DCC: variants seen among roughly 807,000 people sequenced by gnomAD.
DCC encodes DCC netrin 1 receptor.
Under a neutral mutation model 172.5 loss-of-function variants are expected in DCC, and 58 were observed. That is an observed-to-expected ratio of 0.34 (90% CI 0.27 to 0.42). The LOEUF (loss-of-function observed/expected upper bound fraction) is 0.42. Ranked by LOEUF, DCC falls within the 10% of genes least tolerant of loss-of-function variation. The pLI is 1.00. For synonymous variants in DCC, 709 were observed against 644.5 expected, an observed-to-expected ratio of 1.10 and a Z score of -1.52; for missense variants, 1,740 against 1,791.0, an observed-to-expected ratio of 0.97 and a Z score of 0.51.
chr18:53,349,987 A>G (rs1018089884), intron 15 of DCC, among the ~76,000 whole-genome samples: 1 of 152,206 alleles, frequency 6.6e-6, no homozygotes, highest in Non-Finnish European at 1.5e-5. Context: ...CAGTTAAATA[A>G]TCATTTTATA....
chr18:52,530,519 C>T (rs1219686268), intron 1 of DCC, among the ~76,000 whole-genome samples: 5 of 152,102 alleles, frequency 3.3e-5, no homozygotes, highest in Non-Finnish European at 7.4e-5. Context: ...ATAAAGAAAA[C>T]AGAGAATGCA....
chr18:53,336,767 T>A (rs2057596357), intron 14 of DCC, among the ~76,000 whole-genome samples: 1 of 152,188 alleles, frequency 6.6e-6, no homozygotes, highest in Non-Finnish European at 1.5e-5. Flanking sequence ...TCCCAGCTAC[T>A]AGGGAGGTTG....
rs542525309 is a variant in DCC at position 52,951,649 on chromosome 18, A to G, written c.985+26279A>G. 6.6e-5 allele frequency among the ~76,000 whole-genome samples: 10 copies of G among 152,312 alleles called. No individual in the cohort carries two copies. In the South Asian group the frequency reaches 2.1e-3, roughly 32 times the overall value. On this transcript the variant is annotated intron_variant, in intron 5 of 28. Coordinates refer to ENST00000442544, the MANE Select transcript of DCC (RefSeq NM_005215.4). ...TATGGCTGCATACAAGTCTTTTCAAAATAAATTTATATTTGGAAAGCAGTA... is the reference window on the plus strand; with the variant it reads ...TATGGCTGCATACAAGTCTTTTCAAGATAAATTTATATTTGGAAAGCAGTA...
At chr18:52,598,519 A>G (rs905727377) in intron 1 of DCC, among the ~76,000 whole-genome samples, 7 of 152,188 alleles carry the variant, frequency 4.6e-5, no homozygotes, top group South Asian at 4.1e-4. Context: ...CAGCAAAGCT[A>G]TAACTATGGA....
At chr18:52,846,550 A>T (rs1274681969) in intron 2 of DCC, among the ~76,000 whole-genome samples, 1 of 150,412 alleles carries the variant, frequency 6.6e-6, no homozygotes, top group Non-Finnish European at 1.5e-5. Flanking sequence ...AAGAGAAAAA[A>T]AAAATTCAGA....
chr18:53,145,192 G>A (rs1333217321), intron 7 of DCC, among the ~76,000 whole-genome samples: 1 of 130,832 alleles, frequency 7.6e-6, no homozygotes, highest in African/African-American at 2.8e-5. Flanking sequence ...TCGGCTCACT[G>A]CAAGCTCCGC....
intron 1 of DCC, 69 bp from the exon 2 acceptor site, chr18:52,751,985 A>C: frequency 7.5e-7 from 1 of 1,331,572 alleles, no homozygotes; most frequent in Non-Finnish European, 1.1e-6. Flanking sequence ...TGTAAAGAAA[A>C]GACAGGGAAT....
At chr18:52,446,290 C>T (rs1460613175) in intron 1 of DCC, among the ~76,000 whole-genome samples, 11 of 152,086 alleles carry the variant, frequency 7.2e-5, no homozygotes, top group East Asian at 3.9e-4. Context: ...ATTTTAACCT[C>T]GATTAATAAG....
At chr18:52,963,750 T>C (rs1319548965) in intron 5 of DCC, among the ~76,000 whole-genome samples, 3 of 152,156 alleles carry the variant, frequency 2.0e-5, no homozygotes, top group Non-Finnish European at 4.4e-5. Flanking sequence ...TAAACAATGC[T>C]GTTTTTGCTT....
intron 1 of DCC, among the ~76,000 whole-genome samples, chr18:52,547,040 G>A (rs2032636511): frequency 6.6e-6 from 1 of 152,114 alleles, no homozygotes; most frequent in African/African-American, 2.4e-5. Flanking sequence ...AAACTAACTA[G>A]TTGCCTTATG....
At chr18:53,300,302 T>C (rs1411895848) in intron 12 of DCC, among the ~76,000 whole-genome samples, 1 of 152,166 alleles carries the variant, frequency 6.6e-6, no homozygotes, top group Non-Finnish European at 1.5e-5. Context: ...TTGCCAAATG[T>C]CCACGTTCCC....
chr18:53,322,311 A>G (rs2057420623), intron 14 of DCC, among the ~76,000 whole-genome samples, 154 bp downstream of exon 14: 1 of 152,252 alleles, frequency 6.6e-6, no homozygotes, highest in South Asian at 2.1e-4. Flanking sequence ...ATTAGTGAAT[A>G]CATAGTCTTC....
At chr18:53,317,113 G>A (rs1007902149) in intron 13 of DCC, among the ~76,000 whole-genome samples, 28 of 150,800 alleles carry the variant, frequency 1.9e-4, no homozygotes, top group African/African-American at 2.0e-4. Flanking sequence ...TTTGAGATAC[G>A]TTCCATCAAT....
At chr18:52,572,878 G>A (rs767030489) in intron 1 of DCC, among the ~76,000 whole-genome samples, 1 of 152,186 alleles carries the variant, frequency 6.6e-6, no homozygotes, top group Admixed American at 6.5e-5. Flanking sequence ...TCCACTTAAT[G>A]TCTGCCTGAT....
intron 1 of DCC, among the ~76,000 whole-genome samples, chr18:52,396,387 ACAAT>A (rs2144362426): frequency 6.7e-6 from 1 of 148,520 alleles, no homozygotes; most frequent in South Asian, 2.1e-4. Flanking sequence ...AATTTTCCTG[ACAAT>A]CAATTTTCTC....
chr18:53,113,081 C>T (rs946775863), intron 7 of DCC, among the ~76,000 whole-genome samples: 1 of 151,166 alleles, frequency 6.6e-6, no homozygotes, highest in Non-Finnish European at 1.5e-5. Context: ...TCCAGTGATT[C>T]AAAAAATCCC....
At chr18:52,835,893 T>G (rs1279772367) in intron 2 of DCC, among the ~76,000 whole-genome samples, 1 of 152,226 alleles carries the variant, frequency 6.6e-6, no homozygotes, top group Non-Finnish European at 1.5e-5. Context: ...AAATAAAATT[T>G]GTTATCCTTT....
At chr18:53,337,361 A>T (rs1334772553) in intron 14 of DCC, among the ~76,000 whole-genome samples, 1 of 152,242 alleles carries the variant, frequency 6.6e-6, no homozygotes, top group Non-Finnish European at 1.5e-5. Flanking sequence ...AACACTTCAA[A>T]TATGCTAAAC....
At position 53,268,260 on chromosome 18, in the gene DCC, A is replaced by C. The variant is rs76905096; in HGVS notation, c.1912-37318A>C. On this transcript the variant is annotated intron_variant, in intron 12 of 28. Transcript: ENST00000442544. ...ATGATTTTTACAGATTTGTCAAAAA[A>C]TGTTAGCAATTCAAACTAGGCAATC... Among the ~76,000 whole-genome samples, 997 of 152,286 alleles carry C rather than the reference A, an allele frequency of 6.5e-3. 7 individuals are homozygous for C. The highest frequency in any genetic ancestry group is 0.011 in the Non-Finnish European group (768 of 68,020).
Sources: gnomAD v4.1 joint callset for allele counts (sites outside exome capture counted in the v4.1 genomes callset) on GRCh38, gnomAD v4.1.1 for gene constraint, MANE v1.5 for transcripts, NCBI Gene and HGNC (gene_info 2026-07-23, HGNC 2026-07-21) for gene names.